The following ADGRV1 variants were observed in gnomAD, a reference collection of about 807,000 sequenced individuals.
ADGRV1 encodes G-protein coupled receptor 98.
In ADGRV1, 359 loss-of-function variants were observed where a neutral mutation model predicts 596.2. The ratio of observed to expected loss-of-function variants is 0.60; its 90% CI spans 0.55 to 0.66. The LOEUF is 0.66. Among genes scored for constraint, ADGRV1 ranks in the 30% least tolerant of loss-of-function variants. The pLI, the probability that ADGRV1 is intolerant of heterozygous loss-of-function variation, is 0.00. For missense variants in ADGRV1, 7,274 were observed against 7,575.6 expected (o/e 0.96, Z 1.48); for synonymous variants, 2,681 against 2,679.2 (o/e 1.00, Z -0.02).
chr5:90,797,326 C>G (rs1050248978), intron 70 of ADGRV1, among the ~76,000 whole-genome samples: 2 of 143,154 alleles, frequency 1.4e-5, no homozygotes, highest in African/African-American at 5.3e-5. Context: ...GAGTTGCAAT[C>G]CTAATCTCTG....
chr5:90,606,279 C>T (rs1385607469), intron 1 of ADGRV1, among the ~76,000 whole-genome samples: 1 of 152,156 alleles, frequency 6.6e-6, no homozygotes, highest in Non-Finnish European at 1.5e-5. Context: ...CTTTCTTTTT[C>T]TATACCATGC....
rs779442763 is a variant in ADGRV1 at position 90,627,499 on chromosome 5, G to T, written c.961G>T (p.Asp321Tyr). The T allele has an allele frequency of 5.6e-6, 9 of 1,613,778 alleles. No homozygotes were observed. The East Asian group carries it at 2.0e-4, about 36-fold the overall frequency. The stretch of plus-strand genomic sequence containing the variant: ...CACAGCACATGCCCAGCAAAATCTG[G>T]ACTTCATTGATCTTCAGCCAAACAC... The part of the protein sequence containing the change: ...NSTAHAQQNL[D>Y]FIDLQPNTTV... Residue 321 changes from aspartate to tyrosine, a missense_variant, in exon 7 of 90, where the codon GAC becomes TAC. Physicochemically the swap from Asp to Tyr is radical, Grantham distance 160. This residue lies in a region of ADGRV1 where 1,715 missense variants were observed against 1,708.8 expected (regional missense o/e 1.00). Coordinates refer to ENST00000405460, the MANE Select transcript of ADGRV1 (RefSeq NM_032119.4).
chr5:90,630,864 G>A (rs536909476), intron 9 of ADGRV1, among the ~76,000 whole-genome samples: 4 of 152,172 alleles, frequency 2.6e-5, no homozygotes, highest in South Asian at 2.1e-4. Flanking sequence ...TGAATGTTGA[G>A]TTTAGCTAAA....
chr5:90,735,750 C>T (rs1431729817), intron 50 of ADGRV1, among the ~76,000 whole-genome samples: 1 of 151,790 alleles, frequency 6.6e-6, no homozygotes, highest in Admixed American at 6.6e-5. Flanking sequence ...TGTAAATAGG[C>T]TTGTTTTCTT....
intron 11 of ADGRV1, among the ~76,000 whole-genome samples, chr5:90,641,670 T>C (rs1376564773): frequency 6.6e-6 from 1 of 152,204 alleles, no homozygotes; most frequent in Non-Finnish European, 1.5e-5. Flanking sequence ...CTCTGTTAAA[T>C]AGGAAGTGAG....
chr5:90,767,821 C>A (rs1000313042), intron 59 of ADGRV1, among the ~76,000 whole-genome samples: 6 of 152,148 alleles, frequency 3.9e-5, no homozygotes, highest in Non-Finnish European at 8.8e-5. Flanking sequence ...ATTTGCCATG[C>A]ACATGTTCTG....
intron 21 of ADGRV1, among the ~76,000 whole-genome samples, chr5:90,662,020 A>T (rs1770380635): frequency 1.3e-5 from 2 of 152,134 alleles, no homozygotes; most frequent in South Asian, 4.2e-4. Context: ...ATCTCTGGCT[A>T]GGGGAGAGGG....
Position 90,829,047 on chromosome 5 carries a change from G to A in ADGRV1, c.16472G>A (p.Ser5491Asn), listed in dbSNP as rs199796758. The change falls in exon 77 of 90, where the codon AGT becomes AAT. Residue 5491 changes from serine (S) to asparagine (N), a missense_variant. This residue lies in a region of ADGRV1 where 1,874 missense variants were observed against 1,970.2 expected (regional missense o/e 0.95). Transcript: ENST00000405460. ...TTCGCACAGATTAAAATCTTAGAAA[G>A]TGATGAATCTCAAAGCCTTGTGTAT... ...ARFAQIKILE[S>N]DESQSLVYFS... The A allele has an allele frequency of 1.6e-4, 253 of 1,612,754 alleles. No individual in the cohort carries two copies. In the African/African-American group the frequency reaches 3.2e-3, roughly 20 times the overall value.
rs1379230424 is a variant in ADGRV1, at chr5:91,086,379, G to A, written c.18310+13775G>A. ...TCCTCTGCCTTATCCTAATTGCTCT[G>A]ATCTCAGTGTTATTCTTTCACTCCT... On this transcript the variant is annotated intron_variant, in intron 86 of 89. Transcript: ENST00000405460. Among the ~76,000 whole-genome samples the A allele has an allele frequency of 2.0e-5, 3 of 152,054 alleles. No individual in the cohort carries two copies. In the South Asian group the frequency reaches 6.2e-4, roughly 32 times the overall value.
chr5:90,693,815 G>A (rs1746804913), intron 32 of ADGRV1, 75 bp from the exon 33 acceptor site: 1 of 1,129,252 alleles, frequency 8.9e-7, no homozygotes, highest in African/African-American at 1.6e-5. Context: ...AAAGACCACA[G>A]TCAGCATTCC....
intron 83 of ADGRV1, among the ~76,000 whole-genome samples, chr5:90,930,613 AATTTTT>A (rs141351778): frequency 0.014 from 2,146 of 152,266 alleles, 43 homozygotes; most frequent in African/African-American, 0.05. Context: ...CCAAAATTTT[AATTTTT>A]AAATACTAGA....
rs534011490 is a variant in ADGRV1, at chr5:90,940,036, T to G, written c.17857-25379T>G. Reference sequence around the variant, plus strand: ...GTTTTCTCAAGCATATAACTTGGTCTTCTTATTTTCCTTAGGCCTTCAAAA... The same window carrying G: ...GTTTTCTCAAGCATATAACTTGGTCGTCTTATTTTCCTTAGGCCTTCAAAA... On this transcript the variant is annotated intron_variant, in intron 83 of 89. Transcript: ENST00000405460. Among the ~76,000 whole-genome samples, 8 of 152,366 alleles carry G rather than the reference T, an allele frequency of 5.3e-5. No individual in the cohort carries two copies. In the South Asian group the frequency reaches 1.7e-3, roughly 32 times the overall value.
intron 87 of ADGRV1, among the ~76,000 whole-genome samples, chr5:91,129,803 G>A (rs1794060348): frequency 6.6e-6 from 1 of 152,194 alleles, no homozygotes; most frequent in South Asian, 2.1e-4. Context: ...TTCTGCAGAA[G>A]AGGAAATTGG....
At chr5:90,688,161 GT>G (rs1289286264) in intron 29 of ADGRV1, among the ~76,000 whole-genome samples, 1 of 152,144 alleles carries the variant, frequency 6.6e-6, no homozygotes, top group African/African-American at 2.4e-5. Flanking sequence ...CAAGGCTACA[GT>G]AACCAAAACA....
chr5:91,133,680 G>T (rs914262686), intron 87 of ADGRV1, among the ~76,000 whole-genome samples: 1 of 152,154 alleles, frequency 6.6e-6, no homozygotes, highest in East Asian at 1.9e-4. Context: ...ATACATAAAC[G>T]CAATGAGATA....
At chr5:90,719,073 C>T (rs1463970422) in intron 43 of ADGRV1, among the ~76,000 whole-genome samples, 1 of 152,064 alleles carries the variant, frequency 6.6e-6, no homozygotes, top group African/African-American at 2.4e-5. Flanking sequence ...CGTAGTGGCA[C>T]ACGCCTGTAA....
chr5:91,113,957 G>A (rs781290709), intron 87 of ADGRV1, among the ~76,000 whole-genome samples: 2 of 152,002 alleles, frequency 1.3e-5, no homozygotes, highest in Non-Finnish European at 2.9e-5. Flanking sequence ...AGTGGCTCAC[G>A]CCTGTAATCC....
At chr5:90,702,797 A>T (rs558252401) in intron 34 of ADGRV1, among the ~76,000 whole-genome samples, 1 of 152,042 alleles carries the variant, frequency 6.6e-6, no homozygotes, top group Non-Finnish European at 1.5e-5. Context: ...CAGTTTGATT[A>T]AGGATGTCGT....
chr5:90,843,039 T>C (rs1372224186), intron 78 of ADGRV1, among the ~76,000 whole-genome samples: 1 of 152,168 alleles, frequency 6.6e-6, no homozygotes, highest in Non-Finnish European at 1.5e-5. Context: ...CATACCTTGT[T>C]CTGCAATAAG....
Sources: gnomAD v4.1 joint callset for allele counts (sites outside exome capture counted in the v4.1 genomes callset) on GRCh38, gnomAD v4.1.1 for gene constraint, gnomAD v4.1.1 regional missense constraint, MANE v1.5 for transcripts, NCBI Gene and HGNC (gene_info 2026-07-23, HGNC 2026-07-21) for gene names.